The following IGSF11 variants were observed in gnomAD, a reference collection of about 807,000 sequenced individuals.
IGSF11 encodes immunoglobulin superfamily member 11.
Under a neutral mutation model 41.0 loss-of-function variants are expected in IGSF11, and 22 were observed. The ratio of observed to expected loss-of-function variants is 0.54; its 90% CI spans 0.38 to 0.77. The LOEUF (loss-of-function observed/expected upper bound fraction) is 0.77, where lower values mean the gene tolerates loss of function less well. IGSF11 is among the 30% of genes least tolerant of loss of function. IGSF11 has a pLI of 0.00. For synonymous variants in IGSF11, 219 were observed against 201.3 expected, an observed-to-expected ratio of 1.09 and a Z score of -0.74; for missense variants, 444 against 530.8, an observed-to-expected ratio of 0.84 and a Z score of 1.61.
chr3:119,042,481 G>A (rs1395839474), intron 1 of IGSF11, among the ~76,000 whole-genome samples: 2 of 152,108 alleles, frequency 1.3e-5, no homozygotes, highest in Non-Finnish European at 2.9e-5. Context: ...AGCTGGGTAA[G>A]GCCTGTCACT....
rs1015096918 is a variant in IGSF11, at chr3:118,928,026, T to TG, written c.424+482dup. Among the ~76,000 whole-genome samples, 18 of 152,204 alleles carry TG rather than the reference T, an allele frequency of 1.2e-4. 1 individual carries two copies. Among genetic ancestry groups the TG allele is most frequent in the Admixed American group, 3.9e-4 (6 of 15,290 alleles). On this transcript the variant is annotated intron_variant, in intron 3 of 6. Coordinates refer to ENST00000393775, the MANE Select transcript of IGSF11 (RefSeq NM_001015887.3). ...GATTTATTCTTCAAACAAGGATACT[T>TG]GGGGGAGTAAAAGGAGGTATTATTA...
At chr3:118,963,796 A>C (rs1189493633) in intron 1 of IGSF11, among the ~76,000 whole-genome samples, 1 of 152,168 alleles carries the variant, frequency 6.6e-6, no homozygotes, top group African/African-American at 2.4e-5. Flanking sequence ...ACAGAGAATC[A>C]ATGTTTTTTT....
upstream of IGSF11, among the ~76,000 whole-genome samples, chr3:119,105,700 C>A (rs1372840165): frequency 2.6e-5 from 4 of 152,116 alleles, no homozygotes; most frequent in Non-Finnish European, 5.9e-5. Flanking sequence ...ACATACCATA[C>A]ATGAAGTCCT....
intron 3 of IGSF11, among the ~76,000 whole-genome samples, chr3:118,928,271 T>C (rs1942519992): frequency 6.6e-6 from 1 of 152,244 alleles, no homozygotes. Flanking sequence ...ATACCATCTT[T>C]CTTCACCTTC....
intron 1 of IGSF11, among the ~76,000 whole-genome samples, chr3:119,057,735 A>C (rs1337881629): frequency 5.3e-5 from 8 of 152,234 alleles, no homozygotes; most frequent in Admixed American, 3.3e-4. Flanking sequence ...CTACAAGGCT[A>C]CAGTAACCAA....
At chr3:118,913,962 GAGAA>G (rs1282283193) in intron 4 of IGSF11, among the ~76,000 whole-genome samples, 2 of 152,072 alleles carry the variant, frequency 1.3e-5, no homozygotes, top group Non-Finnish European at 2.9e-5. Flanking sequence ...TAGGAGAGAA[GAGAA>G]AGAACTGATG....
Position 119,053,585 on chromosome 3 carries a change from T to C in IGSF11, c.49+51559A>G, listed in dbSNP as rs112259477. 8.7e-3 allele frequency among the ~76,000 whole-genome samples: 1,326 copies of C among 152,284 alleles called. 26 individuals carry two copies. Among genetic ancestry groups the C allele is most frequent in the African/African-American group, 0.03 (1,248 of 41,544 alleles). The stretch of plus-strand genomic sequence containing the variant: ...AGAATCAATATTGTGAAAATGACCA[T>C]ACTGCCAAAAGCAATCTATAAAGTC... On this transcript the variant is annotated intron_variant, in intron 1 of 6. Coordinates refer to the IGSF11 transcript ENST00000354673.
intron 1 of IGSF11, among the ~76,000 whole-genome samples, chr3:119,083,527 C>A (rs5007152): frequency 0.38 from 54,359 of 144,646 alleles, 9,777 homozygotes; most frequent in Middle Eastern, 0.42. Flanking sequence ...CACACACACA[C>A]ACACACACAA....
chr3:118,979,456 G>T (rs1282790552), intron 1 of IGSF11, among the ~76,000 whole-genome samples: 2 of 152,070 alleles, frequency 1.3e-5, no homozygotes, highest in Non-Finnish European at 2.9e-5. Context: ...TTAATACATG[G>T]TGCTGGAAAA....
intron 1 of IGSF11, among the ~76,000 whole-genome samples, chr3:119,059,170 A>T (rs1025126661): frequency 3.7e-5 from 4 of 108,036 alleles, no homozygotes; most frequent in Admixed American, 2.0e-4. Context: ...GTGTGTGTAT[A>T]TACACAGATC....
At chr3:119,132,304 C>T (rs2077492997) in intron 1 of IGSF11, among the ~76,000 whole-genome samples, 1 of 140,282 alleles carries the variant, frequency 7.1e-6, no homozygotes. Context: ...ATTCAGGAGA[C>T]CCATCTCACA....
intron 1 of IGSF11, among the ~76,000 whole-genome samples, chr3:119,080,600 A>C (rs964120734): frequency 1.3e-5 from 2 of 152,188 alleles, no homozygotes; most frequent in Non-Finnish European, 2.9e-5. Flanking sequence ...ATTTTGATTA[A>C]ATTATGGAGA....
At chr3:119,139,758 T>C (rs1366241349) in intron 1 of IGSF11, among the ~76,000 whole-genome samples, 1 of 152,216 alleles carries the variant, frequency 6.6e-6, no homozygotes, top group Non-Finnish European at 1.5e-5. Flanking sequence ...TCTAACTCTT[T>C]CCTTCTCCTA....
chr3:119,000,678 TG>T (rs1936732356), intron 1 of IGSF11, among the ~76,000 whole-genome samples: 1 of 152,182 alleles, frequency 6.6e-6, no homozygotes, highest in Admixed American at 6.6e-5. Flanking sequence ...ATTCCAGTAG[TG>T]TGTCCTCTTA....
intron 1 of IGSF11, among the ~76,000 whole-genome samples, chr3:119,102,160 C>T (rs1432839566): frequency 6.6e-6 from 1 of 152,158 alleles, no homozygotes; most frequent in Non-Finnish European, 1.5e-5. Flanking sequence ...TACATCACTG[C>T]CACTCCTTTT....
At chr3:118,974,381 C>T (rs539220482) in intron 1 of IGSF11, among the ~76,000 whole-genome samples, 1 of 152,204 alleles carries the variant, frequency 6.6e-6, no homozygotes, top group East Asian at 1.9e-4. Context: ...GAAAAGGCAA[C>T]GGTTCAGTAT....
chr3:119,067,736 C>T (rs1260274543), intron 1 of IGSF11, among the ~76,000 whole-genome samples: 4 of 152,104 alleles, frequency 2.6e-5, no homozygotes, highest in African/African-American at 4.8e-5. Context: ...TTTTGGTCTC[C>T]GTGAAGTCCC....
intron 1 of IGSF11, among the ~76,000 whole-genome samples, chr3:119,042,764 A>G (rs778143276): frequency 4.6e-5 from 7 of 152,114 alleles, no homozygotes; most frequent in Non-Finnish European, 8.8e-5. Context: ...CTAAGTACCC[A>G]TCCTGCCAAA....
intron 1 of IGSF11, among the ~76,000 whole-genome samples, chr3:118,956,912 A>C (rs1468226014): frequency 6.6e-6 from 1 of 152,168 alleles, no homozygotes; most frequent in Admixed American, 6.5e-5. Flanking sequence ...GAAGCATAAT[A>C]CACTGAAGCA....
Sources: gnomAD v4.1 joint callset for allele counts (sites outside exome capture counted in the v4.1 genomes callset) on GRCh38, gnomAD v4.1.1 for gene constraint, MANE v1.5 for transcripts, NCBI Gene and HGNC (gene_info 2026-07-23, HGNC 2026-07-21) for gene names.